Variants in PSPC1 observed in about 807,000 individuals in gnomAD.
The protein encoded by PSPC1 is paraspeckle protein 1.
Under a neutral mutation model 51.6 loss-of-function variants are expected in PSPC1, and 14 were observed. The observed-to-expected ratio is 0.27, with a 90% CI of 0.18 to 0.42. The LOEUF is 0.42. Ranked by LOEUF, PSPC1 falls within the 10% of genes least tolerant of loss-of-function variation. The pLI, the probability that PSPC1 is intolerant of heterozygous loss-of-function variation, is 1.00. For synonymous variants in PSPC1, 193 were observed against 231.9 expected (o/e 0.83, Z 1.53); for missense variants, 406 against 701.1 (o/e 0.58, Z 4.75).
chr13:19,772,181 CA>C, intron 2 of PSPC1, 60 bp downstream of exon 2: 1 of 1,531,936 alleles, frequency 6.5e-7, no homozygotes, highest in Non-Finnish European at 8.8e-7. Flanking sequence ...GACAGAATTC[CA>C]AAACAGAGAG....
chr13:19,744,939 A>C (rs1885810161), intron 4 of PSPC1, among the ~76,000 whole-genome samples: 1 of 152,240 alleles, frequency 6.6e-6, no homozygotes, highest in African/African-American at 2.4e-5. Flanking sequence ...AGCCATCTAC[A>C]GTCATGAAGG....
chr13:19,743,703 T>C (rs923074173), intron 4 of PSPC1, among the ~76,000 whole-genome samples: 5 of 152,210 alleles, frequency 3.3e-5, no homozygotes, highest in African/African-American at 7.2e-5. Context: ...GTTCTCATAA[T>C]AGGCCCATAG....
At chr13:19,758,312 CA>C (rs369838526) in intron 3 of PSPC1, among the ~76,000 whole-genome samples, 12,315 of 125,138 alleles carry the variant, frequency 0.098, 514 homozygotes, top group Middle Eastern at 0.15. Flanking sequence ...GACTCCGTCT[CA>C]AAAAAAAAAA....
At chr13:19,731,151 G>T (rs916943022) in intron 5 of PSPC1, among the ~76,000 whole-genome samples, 10 of 151,908 alleles carry the variant, frequency 6.6e-5, no homozygotes, top group Admixed American at 6.6e-5. Flanking sequence ...TCAACCCACT[G>T]AAAGAAATCC....
At chr13:19,728,214 G>A (rs1415084752) in intron 6 of PSPC1, among the ~76,000 whole-genome samples, 1 of 152,072 alleles carries the variant, frequency 6.6e-6, no homozygotes, top group African/African-American at 2.4e-5. Flanking sequence ...TGTGAAATAT[G>A]TAAATCAATA....
intron 7 of PSPC1, among the ~76,000 whole-genome samples, chr13:19,708,081 A>T (rs918957549): frequency 6.6e-6 from 1 of 152,202 alleles, no homozygotes; most frequent in Non-Finnish European, 1.5e-5. Flanking sequence ...CTTCCTGCAT[A>T]TATCAGAGAT....
chr13:19,772,523 T>G lies in PSPC1; in HGVS notation c.393A>C (p.Glu131Asp). 1 of 1,603,966 alleles carries G rather than the reference T, an allele frequency of 6.2e-7. No individual in the cohort carries two copies. Among genetic ancestry groups the G allele is most frequent in the Non-Finnish European group, 8.5e-7 (1 of 1,173,890 alleles). ...FIRLESRTLAEIAKAELDGTI... is the reference protein window; with the variant it reads ...FIRLESRTLADIAKAELDGTI... ...TGCCGTCCAGCTCTGCTTTTGCAATTTCAGCCAGGGTTCTGGATTCCTTTT... is the reference window on the plus strand; with the variant it reads ...TGCCGTCCAGCTCTGCTTTTGCAATGTCAGCCAGGGTTCTGGATTCCTTTT... Residue 131 changes from glutamate (E) to aspartate (D), a missense_variant, in exon 2 of 9, where the codon GAA becomes GAC. Glu to Asp is a conservative substitution (Grantham distance 45, BLOSUM62 2). Around this residue, in one of 5 missense-constraint regions of PSPC1, gnomAD observed 180 missense variants for 337.9 expected, o/e 0.53. Coordinates refer to ENST00000338910, the MANE Select transcript of PSPC1 (RefSeq NM_001354909.2).
intron 2 of PSPC1, among the ~76,000 whole-genome samples, chr13:19,769,867 C>T (rs896082754): frequency 6.6e-6 from 1 of 152,180 alleles, no homozygotes; most frequent in African/African-American, 2.4e-5. Flanking sequence ...ACAACCACCA[C>T]GGAAAAGAAC....
At chr13:19,770,295 T>G (rs554781440) in intron 2 of PSPC1, among the ~76,000 whole-genome samples, 1 of 152,326 alleles carries the variant, frequency 6.6e-6, no homozygotes, top group South Asian at 2.1e-4. Context: ...AGGGAACTTC[T>G]GTGGGGTAAC....
At chr13:19,724,457 G>C (rs1883124488) in intron 6 of PSPC1, among the ~76,000 whole-genome samples, 2 of 152,168 alleles carry the variant, frequency 1.3e-5, no homozygotes, top group Non-Finnish European at 2.9e-5. Flanking sequence ...GCAAGAGGCA[G>C]GAAAAGAGGC....
intron 2 of PSPC1, among the ~76,000 whole-genome samples, chr13:19,769,131 T>C (rs1888367456): frequency 6.7e-6 from 1 of 150,246 alleles, no homozygotes; most frequent in Non-Finnish European, 1.5e-5. Flanking sequence ...ACATTAAGAC[T>C]CTGCCTCAAA....
chr13:19,675,772 C>T (rs1209857073), intron 7 of PSPC1: 1 of 152,170 alleles, frequency 6.6e-6, no homozygotes, highest in African/African-American at 2.4e-5. Flanking sequence ...CACTGACCAG[C>T]AGACCTAAAT....
At chr13:19,704,380 T>G (rs17241375) in intron 8 of PSPC1, among the ~76,000 whole-genome samples, 13,433 of 151,200 alleles carry the variant, frequency 0.089, 450 homozygotes, top group Non-Finnish European at 0.13. Flanking sequence ...CTCCAAATTC[T>G]TGAAGCAAAT....
downstream of PSPC1, among the ~76,000 whole-genome samples, chr13:19,697,933 A>G (rs1272992928): frequency 3.3e-5 from 5 of 152,156 alleles, no homozygotes; most frequent in Non-Finnish European, 5.9e-5. Flanking sequence ...ACTTGCAAAA[A>G]GTAAATTATT....
chr13:19,764,682 TAAAAAAAA>T (rs68143550), intron 2 of PSPC1, among the ~76,000 whole-genome samples: 2 of 78,246 alleles, frequency 2.6e-5, no homozygotes, highest in African/African-American at 9.2e-5. Flanking sequence ...GAACTTGCCT[TAAAAAAAA>T]AAAAAAAAAA....
intron 1 of PSPC1, among the ~76,000 whole-genome samples, chr13:19,779,341 C>G (rs1368052475): frequency 8.9e-6 from 1 of 112,138 alleles, no homozygotes; most frequent in Non-Finnish European, 1.9e-5. Context: ...GGGGGTCAGC[C>G]CCCCCGCCCG....
intron 4 of PSPC1, among the ~76,000 whole-genome samples, chr13:19,750,891 T>G (rs917216068): frequency 6.6e-6 from 1 of 151,936 alleles, no homozygotes; most frequent in African/African-American, 2.4e-5. Context: ...TGCCTCAGCC[T>G]CCCAACTAGC....
chr13:19,747,674 T>C (rs141058167), intron 4 of PSPC1, among the ~76,000 whole-genome samples: 12 of 152,240 alleles, frequency 7.9e-5, no homozygotes, highest in Non-Finnish European at 1.8e-4. Flanking sequence ...TGCTTACAAA[T>C]ACACAAAAAC....
intron 2 of PSPC1, among the ~76,000 whole-genome samples, chr13:19,767,410 T>A (rs369265242): frequency 6.6e-6 from 1 of 152,070 alleles, no homozygotes; most frequent in Non-Finnish European, 1.5e-5. Flanking sequence ...ATTTTAGGGA[T>A]CAATTCCCTA....
Sources: gnomAD v4.1 joint callset for allele counts (sites outside exome capture counted in the v4.1 genomes callset) on GRCh38, gnomAD v4.1.1 for gene constraint, gnomAD v4.1.1 regional missense constraint, MANE v1.5 for transcripts, NCBI Gene and HGNC (gene_info 2026-07-23, HGNC 2026-07-21) for gene names.